HMGCS2: variants seen among roughly 807,000 people sequenced by gnomAD.
The protein encoded by HMGCS2 is 3-hydroxy-3-methylglutaryl-CoA synthase 2, also known as hydroxymethylglutaryl-CoA synthase, mitochondrial.
In HMGCS2, 50 loss-of-function variants were observed where a neutral mutation model predicts 57.4. The observed-to-expected ratio is 0.87, with a 90% CI of 0.69 to 1.10. The LOEUF (loss-of-function observed/expected upper bound fraction) is 1.10, where lower values mean the gene tolerates loss of function less well. HMGCS2 is among the 50% of genes least tolerant of loss of function. The pLI is 0.00. For synonymous variants in HMGCS2, 254 were observed against 245.1 expected (o/e 1.04, Z -0.34); for missense variants, 627 against 636.5 (o/e 0.99, Z 0.16).
chr1:119,758,589 C>G (rs1291249240), intron 4 of HMGCS2, among the ~76,000 whole-genome samples: 1 of 152,348 alleles, frequency 6.6e-6, no homozygotes, highest in East Asian at 1.9e-4. Context: ...CTTATGAAAG[C>G]AGTACATATT....
intron 6 of HMGCS2, 47 bp from the exon 7 acceptor site, chr1:119,753,433 A>ACT (rs1427360609): frequency 1.2e-6 from 1 of 819,510 alleles, no homozygotes; most frequent in East Asian, 2.5e-5. Flanking sequence ...ACACACACAC[A>ACT]CACACACACA....
At chr1:119,759,308 G>C (rs587705651) in intron 3 of HMGCS2, 26 bp from the exon 4 acceptor site, 2 of 1,610,166 alleles carry the variant, frequency 1.2e-6, no homozygotes, top group South Asian at 2.2e-5. Flanking sequence ...AAGTGTTTCA[G>C]AGACTACACA....
intron 6 of HMGCS2, 24 bp from the exon 7 acceptor site, chr1:119,753,410 AACACACACACACAC>A (rs71074435): frequency 1.1e-4 from 80 of 747,240 alleles, no homozygotes; most frequent in African/African-American, 7.1e-4. Context: ...AATCAAATAA[AACACACACACACAC>A]ACACACACAC....
Position 119,750,807 on chromosome 1 carries a change from C to A in HMGCS2, c.1522G>T (p.Val508Phe). Residue 508 changes from valine to phenylalanine, a missense_variant, in exon 9 of 10, where the codon GTC becomes TTC. Physicochemically the swap from Val to Phe is conservative, Grantham distance 50. Coordinates refer to ENST00000369406, the MANE Select transcript of HMGCS2 (RefSeq NM_005518.4). ...CAAACTCTCACTCACCACCTTTAGA[C>A]GGGACGCCGGGCATACTTTCGGCGA... ...QHRRKYARRP[V>F] 1 of 1,611,402 alleles carries A rather than the reference C, an allele frequency of 6.2e-7. No individual in the cohort carries two copies. Among genetic ancestry groups the A allele is most frequent in the Non-Finnish European group, 8.5e-7 (1 of 1,177,664 alleles).
In HMGCS2 at chr1:119,755,529, T is replaced by C. The variant is rs1652807341; in HGVS notation, c.1085A>G (p.Asp362Gly). The change falls in exon 6 of 10, where the codon GAC (aspartate) becomes GGC (glycine). Residue 362 changes from aspartate to glycine, a missense_variant. Asp to Gly is a moderately conservative substitution (Grantham distance 94, BLOSUM62 -1). Transcript: ENST00000369406. ...AGCCTTGGTTTTCTTGTCGAACATGTCCTGAGAGGCCTTTAGAAGTGCTTT... is the reference window on the plus strand; with the variant it reads ...AGCCTTGGTTTTCTTGTCGAACATGCCCTGAGAGGCCTTTAGAAGTGCTTT... ...LDKALLKASQ[D>G]MFDKKTKASL... 1.2e-6 allele frequency: 2 copies of C among 1,614,092 alleles called. No homozygotes were observed. The highest frequency in any genetic ancestry group is 1.7e-5 in the Admixed American group (1 of 60,018).
At chr1:119,755,160 G>A (rs766448365) in intron 6 of HMGCS2, among the ~76,000 whole-genome samples, 38 of 152,118 alleles carry the variant, frequency 2.5e-4, no homozygotes, top group African/African-American at 8.4e-4. Flanking sequence ...GGGACCACAC[G>A]TGCACACAAC....
intron 6 of HMGCS2, among the ~76,000 whole-genome samples, chr1:119,754,898 C>T (rs587739434): frequency 1.3e-5 from 2 of 152,342 alleles, no homozygotes; most frequent in Non-Finnish European, 2.9e-5. Context: ...ACATCATGTA[C>T]TTCACTTTGG....
intron 7 of HMGCS2, 29 bp from the exon 8 acceptor site, chr1:119,752,703 C>A (rs1313899220): frequency 1.2e-6 from 2 of 1,613,358 alleles, no homozygotes; most frequent in East Asian, 2.2e-5. Context: ...ATTGTTACAC[C>A]TTTTTCATTG....
chr1:119,755,909 ATAT>A (rs869166735), intron 5 of HMGCS2, among the ~76,000 whole-genome samples: 2 of 151,282 alleles, frequency 1.3e-5, no homozygotes, highest in African/African-American at 4.9e-5. Flanking sequence ...ATATATATAT[ATAT>A]TTTTTTTCCA....
chr1:119,753,508 C>A, intron 6 of HMGCS2, 122 bp from the exon 7 acceptor site: 2 of 681,138 alleles, frequency 2.9e-6, no homozygotes, highest in Non-Finnish European at 2.6e-6. Context: ...TCATCCCGAT[C>A]TTCTCCCTGT....
At position 119,757,257 on chromosome 1, in the gene HMGCS2, C is replaced by T. The variant is rs1652870484; in HGVS notation, c.1016+16G>A. 3 of 1,614,014 alleles carry T rather than the reference C, an allele frequency of 1.9e-6. No homozygotes were observed. Among genetic ancestry groups the T allele is most frequent in the East Asian group, 2.2e-5 (1 of 44,882 alleles). On this transcript the variant is annotated intron_variant, in intron 5 of 9. Coordinates refer to ENST00000369406, the MANE Select transcript of HMGCS2 (RefSeq NM_005518.4). ...ACACCTCACCAGCCTCTAGGCTCCC[C>T]AAGAAGAGAACTCACCCGAAAGCCT...
intron 5 of HMGCS2, among the ~76,000 whole-genome samples, chr1:119,756,978 C>G (rs1264371028): frequency 2.0e-5 from 3 of 152,154 alleles, no homozygotes; most frequent in Admixed American, 6.5e-5. Context: ...CTCTCTTTCT[C>G]CCTTCCTCTC....
In HMGCS2 at chr1:119,750,861, A is replaced by T; in HGVS notation, c.1468T>A (p.Trp490Arg). ...TGCTCGTCCACTCGCTCCAGGTACC[A>T]AGTACCTGGGAAAAGGCTGTTTGTG... ...GDTNSLFPGT[W>R]YLERVDEQHR... is the part of the protein sequence containing the mutation. Residue 490 changes from tryptophan (W) to arginine (R), a missense_variant, in exon 9 of 10, where the codon TGG becomes AGG. By Grantham distance (101) the Trp-to-Arg change is moderately radical. Transcript: ENST00000369406. 3 of 1,613,810 alleles carry T rather than the reference A, an allele frequency of 1.9e-6. No homozygotes were observed. Among genetic ancestry groups the T allele is most frequent in the Non-Finnish European group, 2.5e-6 (3 of 1,179,762 alleles).
intron 4 of HMGCS2, among the ~76,000 whole-genome samples, 160 bp downstream of exon 4, chr1:119,758,958 T>G (rs1484392923): frequency 6.6e-6 from 1 of 152,238 alleles, no homozygotes; most frequent in Non-Finnish European, 1.5e-5. Context: ...CAAATGGATT[T>G]TAGCATAGAC....
intron 9 of HMGCS2, among the ~76,000 whole-genome samples, chr1:119,750,287 A>C (rs1213984474): frequency 6.6e-6 from 1 of 152,188 alleles, no homozygotes; most frequent in African/African-American, 2.4e-5. Context: ...TCTGTTGCTC[A>C]TCAGATCTGT....
At position 119,753,394 on chromosome 1, in the gene HMGCS2, G is replaced by A. The variant is rs1571031533; in HGVS notation, c.1188-8C>T. On this transcript the variant is annotated splice_region_variant and splice_polypyrimidine_tract_variant and intron_variant, in intron 6 of 9. Transcript: ENST00000369406. ...AGTTCTTGGGCAGAGTGGCTGTGGG[G>A]AAAGAAATCAAATAAAACACACACA... 4.2e-6 allele frequency: 6 copies of A among 1,434,014 alleles called. No individual in the cohort carries two copies. Among genetic ancestry groups the A allele is most frequent in the Non-Finnish European group, 5.9e-6 (6 of 1,018,436 alleles). 88.8% of individuals were successfully genotyped at this position (1,434,014 alleles called of 1,614,324 possible).
At chr1:119,761,353 A>C (rs1434795927) in intron 2 of HMGCS2, among the ~76,000 whole-genome samples, 1 of 152,016 alleles carries the variant, frequency 6.6e-6, no homozygotes, top group East Asian at 1.9e-4. Flanking sequence ...AGTAAATTTG[A>C]TTATCTAAAA....
In HMGCS2 at chr1:119,764,461, CT is replaced by C. The variant is rs1557994116; in HGVS notation, c.269del (p.Gln90ArgfsTer18). On this transcript the variant is annotated frameshift_variant, in exon 2 of 10. Coordinates refer to ENST00000369406, the MANE Select transcript of HMGCS2 (RefSeq NM_005518.4). LOFTEE classifies it high-confidence loss of function. The part of the protein sequence containing the change: ...EAGKYTVGLG[Q>X]TRMGFCSVQE... ...GGACTGAGCAGAAGCCCATACGGGT[CT>C]GGCCCAAGCCCACTGTATACTTTCC... 1 of 1,613,020 alleles carries C rather than the reference CT, an allele frequency of 6.2e-7. No homozygotes were observed. The highest frequency in any genetic ancestry group is 1.1e-5 in the South Asian group (1 of 91,068).
In HMGCS2 at chr1:119,755,895, GTGTA is replaced by G. The variant is rs137953643; in HGVS notation, c.1017-302_1017-299del. On this transcript the variant is annotated intron_variant, in intron 5 of 9. Coordinates refer to ENST00000369406, the MANE Select transcript of HMGCS2 (RefSeq NM_005518.4). ...CATACTTTCTTAACTTAGTGTGTGT[GTGTA>G]TATATATATATATTTTTTTTCCATG... 0.15 allele frequency among the ~76,000 whole-genome samples: 4,143 copies of G among 27,294 alleles called. 118 individuals are homozygous for G. Among genetic ancestry groups the G allele is most frequent in the African/African-American group, 0.22 (2,759 of 12,744 alleles). The allele number at this position is 27,294 out of a possible 152,430, so 17.9% of individuals were successfully genotyped here.
Sources: gnomAD v4.1 joint callset for allele counts (sites outside exome capture counted in the v4.1 genomes callset) on GRCh38, gnomAD v4.1.1 for gene constraint, MANE v1.5 for transcripts, NCBI Gene and HGNC (gene_info 2026-07-23, HGNC 2026-07-21) for gene names.